Variants in ZNF395 observed in about 807,000 individuals in gnomAD.
ZNF395 encodes the protein HD gene regulatory region-binding protein 2.
A neutral mutation model predicts 57.7 loss-of-function variants in ZNF395; 20 were observed. That is an observed-to-expected ratio of 0.35 (90% CI 0.24 to 0.50). ZNF395 has a LOEUF of 0.50. ZNF395 is among the 20% of genes least tolerant of loss of function. ZNF395 has a pLI of 0.97. For synonymous variants in ZNF395, 295 were observed against 275.9 expected (o/e 1.07, Z -0.69); for missense variants, 606 against 671.2 (o/e 0.90, Z 1.07).
At position 28,352,461 on chromosome 8, in the gene ZNF395, C is replaced by A. The variant is rs1197309990; in HGVS notation, c.920+112G>T. 4.6e-6 allele frequency: 4 copies of A among 864,666 alleles called. No homozygotes were observed. The South Asian group carries it at 6.3e-5, about 14-fold the overall frequency. The allele number at this position is 864,666 out of a possible 1,614,324, so 53.6% of individuals were successfully genotyped here. ...CCAGGAAGAGACACCAGGGGGTGTTCCCAGCAAGCCACGTTCCTGAAAGCA... is the reference window on the plus strand; with the variant it reads ...CCAGGAAGAGACACCAGGGGGTGTTACCAGCAAGCCACGTTCCTGAAAGCA... On this transcript the variant is annotated intron_variant, in intron 6 of 9. Coordinates refer to ENST00000344423, the MANE Select transcript of ZNF395 (RefSeq NM_018660.3). The surrounding 1 kb of genome is among the most constrained non-coding windows in gnomAD (Gnocchi z 4.0).
At chr8:28,382,512 C>T (rs1802121626) in intron 1 of ZNF395, among the ~76,000 whole-genome samples, 1 of 152,184 alleles carries the variant, frequency 6.6e-6, no homozygotes, top group South Asian at 2.1e-4. Context: ...CTGCAGCACC[C>T]TGAGACACCA....
In ZNF395 at chr8:28,345,989, T is replaced by C. The variant is rs1361286651; in HGVS notation, c.*2730A>G. 6.6e-6 allele frequency: 1 copy of C among 152,116 alleles called. No homozygotes were observed. The highest frequency in any genetic ancestry group is 1.5e-5 in the Non-Finnish European group (1 of 68,018). 9.4% of individuals were successfully genotyped at this position (152,116 alleles called of 1,614,324 possible). ...AAGTCACATGATTGAATCCAAGCTA[T>C]TTTACTTTAAATGGTCCTTTTGCTT... On this transcript the variant is annotated 3_prime_UTR_variant, in exon 10 of 10. Coordinates refer to ENST00000344423, the MANE Select transcript of ZNF395 (RefSeq NM_018660.3).
rs371585436 is a variant in ZNF395, at chr8:28,349,233, G to T, written c.1327-5C>A. ...GCTTAGCGACCGGCTCCGGACCTGG[G>T]CGTGGGGAGAGGGGCTGTGAGCACA... On this transcript the variant is annotated splice_region_variant and splice_polypyrimidine_tract_variant and intron_variant, in intron 8 of 9. Coordinates refer to ENST00000344423, the MANE Select transcript of ZNF395 (RefSeq NM_018660.3). The T allele has an allele frequency of 5.9e-6, 9 of 1,532,118 alleles. No homozygotes were observed. Among genetic ancestry groups the T allele is most frequent in the Non-Finnish European group, 7.9e-6 (9 of 1,140,604 alleles). 94.9% of individuals were successfully genotyped at this position (1,532,118 alleles called of 1,614,324 possible).
chr8:28,350,814 A>G (rs1801672764), intron 7 of ZNF395, among the ~76,000 whole-genome samples: 1 of 152,272 alleles, frequency 6.6e-6, no homozygotes, highest in Admixed American at 6.5e-5. Context: ...TTTAAGAAAT[A>G]TCAGCACACA....
chr8:28,349,154 AGTGACG>A lies in ZNF395; in HGVS notation c.1395_1400del (p.Val466_Thr467del). ...CACCACTCTGGGCCCGGGGTGGAGA[AGTGACG>A]ATCAGATGAGATTTCATCGCAGGTG... On this transcript the variant is annotated inframe_deletion, in exon 9 of 10. Transcript: ENST00000344423. 1 of 1,566,578 alleles carries A rather than the reference AGTGACG, an allele frequency of 6.4e-7. No homozygotes were observed. Among genetic ancestry groups the A allele is most frequent in the Non-Finnish European group, 8.6e-7 (1 of 1,157,836 alleles).
intron 1 of ZNF395, among the ~76,000 whole-genome samples, chr8:28,380,236 A>T (rs1269153299): frequency 6.6e-6 from 1 of 152,222 alleles, no homozygotes; most frequent in African/African-American, 2.4e-5. Flanking sequence ...CATCCCCAGA[A>T]GTGGTATTAT....
At chr8:28,349,694 C>A (rs1015399046) in intron 8 of ZNF395, among the ~76,000 whole-genome samples, 3 of 152,220 alleles carry the variant, frequency 2.0e-5, no homozygotes, top group Non-Finnish European at 2.9e-5. Context: ...CTGACCCAGC[C>A]CACACAGCCT....
Position 28,347,416 on chromosome 8 carries a change from C to T in ZNF395, c.*1303G>A, listed in dbSNP as rs1801618154. On this transcript the variant is annotated 3_prime_UTR_variant, in exon 10 of 10. Coordinates refer to ENST00000344423, the MANE Select transcript of ZNF395 (RefSeq NM_018660.3). The stretch of plus-strand genomic sequence containing the variant: ...ACAGAAACATGCCCTGCCATCCGGG[C>T]GTGGCTCACTCTGTCTTCGCGCAGG... 1.3e-5 allele frequency: 2 copies of T among 152,288 alleles called. No homozygotes were observed. The highest frequency in any genetic ancestry group is 4.8e-5 in the African/African-American group (2 of 41,422). 9.4% of individuals were successfully genotyped at this position (152,288 alleles called of 1,614,324 possible).
At chr8:28,371,832 T>TC (rs1271825331) in intron 1 of ZNF395, among the ~76,000 whole-genome samples, 1 of 152,094 alleles carries the variant, frequency 6.6e-6, no homozygotes, top group East Asian at 1.9e-4. Flanking sequence ...GTGGATCACT[T>TC]AAGGTGAGGA....
chr8:28,351,328 A>T, intron 7 of ZNF395, 167 bp downstream of exon 7: 1 of 676,688 alleles, frequency 1.5e-6, no homozygotes, highest in Non-Finnish European at 2.3e-6. Context: ...AGGAATTCCC[A>T]CATTTATTGA....
At chr8:28,381,996 C>T (rs898466230) in intron 1 of ZNF395, among the ~76,000 whole-genome samples, 1 of 152,212 alleles carries the variant, frequency 6.6e-6, no homozygotes, top group African/African-American at 2.4e-5. Flanking sequence ...TAATGCCACA[C>T]TCCTACCCGG....
At chr8:28,381,333 G>A (rs1157422688) in intron 1 of ZNF395, among the ~76,000 whole-genome samples, 2 of 151,992 alleles carry the variant, frequency 1.3e-5, no homozygotes, top group African/African-American at 2.4e-5. Context: ...GAGCCACCGC[G>A]CCCAGCCCCA....
chr8:28,377,844 G>A (rs1177959366), intron 1 of ZNF395, among the ~76,000 whole-genome samples: 1 of 134,998 alleles, frequency 7.4e-6, no homozygotes, highest in Non-Finnish European at 1.5e-5. Flanking sequence ...TGCAACCTTT[G>A]TCTCCTGGGT....
At chr8:28,366,968 C>G (rs567368004) in intron 1 of ZNF395, among the ~76,000 whole-genome samples, 1 of 151,988 alleles carries the variant, frequency 6.6e-6, no homozygotes, top group African/African-American at 2.4e-5. Context: ...TCTGGAATTA[C>G]CAGGTCCTGT....
chr8:28,372,621 T>C (rs940576774), intron 1 of ZNF395, among the ~76,000 whole-genome samples: 3 of 152,106 alleles, frequency 2.0e-5, no homozygotes, highest in Non-Finnish European at 4.4e-5. Context: ...ACCCCATCTC[T>C]ACAAAAAATA....
chr8:28,386,203 A>T (rs1383420606), intron 1 of ZNF395, 190 bp downstream of exon 1: 1 of 148,998 alleles, frequency 6.7e-6, no homozygotes, highest in African/African-American at 2.5e-5. Context: ...TCCCCGGGAC[A>T]CTGCGCTCAC....
At chr8:28,360,707 C>T (rs551906008) in intron 2 of ZNF395, among the ~76,000 whole-genome samples, 178 bp downstream of exon 2, 2 of 152,372 alleles carry the variant, frequency 1.3e-5, no homozygotes, top group Non-Finnish European at 2.9e-5. Flanking sequence ...AGCCCTGGGT[C>T]TACTAACAAT....
chr8:28,371,799 A>G (rs1033565664), intron 1 of ZNF395, among the ~76,000 whole-genome samples: 1 of 152,220 alleles, frequency 6.6e-6, no homozygotes, highest in African/African-American at 2.4e-5. Flanking sequence ...CTGTAATCCC[A>G]GCACTTTGGG....
chr8:28,351,908 G>A lies in ZNF395; in HGVS notation c.921-101C>T, dbSNP rs533345992. 2.2e-6 allele frequency: 3 copies of A among 1,383,344 alleles called. No homozygotes were observed. In the South Asian group the frequency reaches 4.4e-5, roughly 20 times the overall value. 85.7% of individuals were successfully genotyped at this position (1,383,344 alleles called of 1,614,324 possible). On this transcript the variant is annotated intron_variant, in intron 6 of 9. Transcript: ENST00000344423. The stretch of plus-strand genomic sequence containing the variant: ...GGAAGTGATTGCTTGAGGCCACCCA[G>A]CAAGCCAGGGACGGAGCCCAAGAGA...
Sources: gnomAD v4.1 joint callset for allele counts (sites outside exome capture counted in the v4.1 genomes callset) on GRCh38, gnomAD v4.1.1 for gene constraint, Gnocchi (gnomAD v3.1) non-coding constraint, MANE v1.5 for transcripts, NCBI Gene and HGNC (gene_info 2026-07-23, HGNC 2026-07-21) for gene names.